SUN3: variants seen among roughly 807,000 people sequenced by gnomAD.
SUN3 encodes Sad1 and UNC84 domain containing 3.
A neutral mutation model predicts 48.2 loss-of-function variants in SUN3; 36 were observed. The ratio of observed to expected loss-of-function variants is 0.75; its 90% confidence interval spans 0.57 to 0.99. The LOEUF (loss-of-function observed/expected upper bound fraction) is 0.99. Ranked by LOEUF, SUN3 falls within the 50% of genes least tolerant of loss-of-function variation. The probability of loss-of-function intolerance (pLI) is 0.00; values close to 1 mark genes in which losing one functional copy is unlikely to be tolerated. For synonymous variants in SUN3, 148 were observed against 147.9 expected, an observed-to-expected ratio of 1.00 and a Z score of 0.00; for missense variants, 419 against 433.1, an observed-to-expected ratio of 0.97 and a Z score of 0.29.
Position 48,017,466 on chromosome 7 carries a change from T to C in SUN3, c.185-101A>G, listed in dbSNP as rs558076343. On this transcript the variant is annotated intron_variant, in intron 2 of 9. Transcript: ENST00000297325. ...TTTCCCTAAACATGAAGAATATGTA[T>C]ACTCTTAAGAATATCAGATCCTTGG... is the stretch of plus-strand genomic sequence containing the variant. 46 of 705,084 alleles carry C rather than the reference T, an allele frequency of 6.5e-5. No homozygotes were observed. In the East Asian group the frequency reaches 1.3e-3, roughly 19 times the overall value. The allele number at this position is 705,084 out of a possible 1,614,324, so 43.7% of individuals were successfully genotyped here.
chr7:47,993,410 G>A (rs1054516278), intron 8 of SUN3, among the ~76,000 whole-genome samples: 1 of 152,034 alleles, frequency 6.6e-6, no homozygotes, highest in African/African-American at 2.4e-5. Context: ...TAATTCAAAT[G>A]TCCATCAACT....
intron 9 of SUN3, 51 bp from the exon 10 acceptor site, chr7:47,987,500 A>G (rs756898730): frequency 6.1e-6 from 9 of 1,465,270 alleles, no homozygotes; most frequent in Admixed American, 4.7e-5. Context: ...TTCATCTCAA[A>G]GAATCCCAAT....
chr7:47,998,003 A>T (rs190241998), intron 6 of SUN3, among the ~76,000 whole-genome samples: 1 of 152,314 alleles, frequency 6.6e-6, no homozygotes, highest in East Asian at 1.9e-4. Context: ...GGTTATTCTC[A>T]ATTTTGGTGA....
chr7:48,007,202 G>T lies in SUN3; in HGVS notation c.455C>A (p.Thr152Asn). 6.2e-7 allele frequency: 1 copy of T among 1,614,104 alleles called. No homozygotes were observed. Among genetic ancestry groups the T allele is most frequent in the South Asian group, 1.1e-5 (1 of 91,074 alleles). Residue 152 changes from threonine to asparagine, a missense_variant, in exon 5 of 10, where the codon ACC becomes AAC. Physicochemically the swap from Thr to Asn is moderately conservative, Grantham distance 65 (BLOSUM62 0). Transcript: ENST00000297325. Reference sequence around the variant, plus strand: ...CGGGTCCTCCACAGGGTCTCCATGGGTGTTCCAGTTGTGATTATTGTCCAT... The same window carrying T: ...CGGGTCCTCCACAGGGTCTCCATGGTTGTTCCAGTTGTGATTATTGTCCAT... ...DGMDNNHNWN[T>N]HGDPVEDPDH...
intron 3 of SUN3, among the ~76,000 whole-genome samples, chr7:48,013,932 T>C (rs1319060669): frequency 1.3e-5 from 2 of 152,088 alleles, no homozygotes; most frequent in African/African-American, 2.4e-5. Context: ...CTCAACCTCA[T>C]GAAAAATACT....
upstream of SUN3, among the ~76,000 whole-genome samples, chr7:48,030,888 A>G (rs1300801030): frequency 6.6e-6 from 1 of 152,212 alleles, no homozygotes; most frequent in Non-Finnish European, 1.5e-5. Context: ...AGGAAAGGAC[A>G]CTGTAGTCTC....
intron 9 of SUN3, 44 bp from the exon 10 acceptor site, chr7:47,987,493 A>G (rs1788933446): frequency 6.8e-7 from 1 of 1,467,764 alleles, no homozygotes; most frequent in Non-Finnish European, 9.0e-7. Context: ...AACGAAATTC[A>G]TCTCAAAGAA....
At chr7:48,034,194 A>T in the SUN3 span, among the ~76,000 whole-genome samples, 1 of 152,238 alleles carries the variant, frequency 6.6e-6, no homozygotes, top group African/African-American at 2.4e-5. Flanking sequence ...AACATTTGAC[A>T]TTGCAGTATG....
chr7:48,033,954 T>TGAGACAGGAGAATTGCTTG (rs1369038879), upstream of SUN3, among the ~76,000 whole-genome samples: 6 of 152,188 alleles, frequency 3.9e-5, no homozygotes. Flanking sequence ...CACCGGAGGC[T>TGAGACAGGAGAATTGCTTG]GAGACAGGAG....
At chr7:48,009,379 A>G (rs1789619359) in intron 3 of SUN3, among the ~76,000 whole-genome samples, 2 of 152,068 alleles carry the variant, frequency 1.3e-5, no homozygotes, top group African/African-American at 4.8e-5. Context: ...ACAGTCTGAG[A>G]GGGAGGTTGG....
chr7:48,002,049 T>C (rs1003229690), intron 6 of SUN3, among the ~76,000 whole-genome samples: 7 of 151,962 alleles, frequency 4.6e-5, no homozygotes, highest in Admixed American at 1.3e-4. Flanking sequence ...CATTCCTTTT[T>C]CTCCACAACC....
intron 7 of SUN3, among the ~76,000 whole-genome samples, chr7:47,995,663 C>T (rs1376630426): frequency 6.6e-6 from 1 of 152,146 alleles, no homozygotes; most frequent in Non-Finnish European, 1.5e-5. Flanking sequence ...ACAGTACTGG[C>T]ACTTAGGAGA....
At chr7:48,017,916 A>C (rs943439990) in intron 2 of SUN3, among the ~76,000 whole-genome samples, 3 of 152,236 alleles carry the variant, frequency 2.0e-5, no homozygotes, top group Non-Finnish European at 2.9e-5. Context: ...CCGAAGCCCA[A>C]CTGGGACAAA....
chr7:48,016,253 C>G (rs1377015330), intron 3 of SUN3, among the ~76,000 whole-genome samples: 4 of 152,168 alleles, frequency 2.6e-5, no homozygotes, highest in African/African-American at 9.7e-5. Context: ...CCCCACTTCC[C>G]AAGCCCCTAC....
At position 48,027,410 on chromosome 7, in the gene SUN3, C is replaced by T. The variant is rs552634132; in HGVS notation, c.122+1407G>A. Among the ~76,000 whole-genome samples the T allele has an allele frequency of 7.2e-5, 11 of 152,184 alleles. No individual in the cohort carries two copies. In the South Asian group the frequency reaches 1.2e-3, roughly 17 times the overall value. On this transcript the variant is annotated intron_variant, in intron 1 of 9. Coordinates refer to ENST00000297325, the MANE Select transcript of SUN3 (RefSeq NM_001030019.2). ...TGGGTCATAGGATACATGCATAATC[C>T]GTTGCAGTAGATTTTGCTCAGTGTT...
chr7:47,989,810 A>G (rs1449844132), intron 8 of SUN3, among the ~76,000 whole-genome samples: 3 of 152,106 alleles, frequency 2.0e-5, no homozygotes, highest in Non-Finnish European at 4.4e-5. Flanking sequence ...CCCTACCCCA[A>G]CCCTGTGCTG....
chr7:48,034,522 T>C, the SUN3 span, among the ~76,000 whole-genome samples: 1 of 152,234 alleles, frequency 6.6e-6, no homozygotes, highest in African/African-American at 2.4e-5. Flanking sequence ...TTTCTTTGAA[T>C]GTTCTCTGTA....
chr7:47,997,080 G>A (rs141941004), intron 6 of SUN3, among the ~76,000 whole-genome samples: 2,592 of 152,198 alleles, frequency 0.017, 59 homozygotes, highest in African/African-American at 0.059. Context: ...GATTACAGGC[G>A]TGAGCCACCG....
chr7:47,991,390 C>G (rs1789054121), intron 8 of SUN3, among the ~76,000 whole-genome samples: 1 of 152,184 alleles, frequency 6.6e-6, no homozygotes. Context: ...TCAAACTCAA[C>G]TTTTCAGAGA....
Sources: gnomAD v4.1 joint callset for allele counts (sites outside exome capture counted in the v4.1 genomes callset) on GRCh38, gnomAD v4.1.1 for gene constraint, MANE v1.5 for transcripts, NCBI Gene and HGNC (gene_info 2026-07-23, HGNC 2026-07-21) for gene names.